The following PPP2R3A variants were observed in gnomAD, a reference collection of about 807,000 sequenced individuals.
The protein encoded by PPP2R3A is protein phosphatase 2 regulatory subunit B''alpha.
A neutral mutation model predicts 106.9 loss-of-function variants in PPP2R3A; 80 were observed. The ratio of observed to expected loss-of-function variants is 0.75; its 90% CI spans 0.62 to 0.90. The LOEUF (loss-of-function observed/expected upper bound fraction) is 0.90. Ranked by LOEUF, PPP2R3A falls within the 40% of genes least tolerant of loss-of-function variation. The pLI is 0.00. For synonymous variants in PPP2R3A, 483 were observed against 468.3 expected (o/e 1.03, Z -0.41); for missense variants, 1,386 against 1,350.4 (o/e 1.03, Z -0.41).
intron 3 of PPP2R3A, among the ~76,000 whole-genome samples, chr3:136,030,325 T>G (rs1047557345): frequency 1.3e-5 from 2 of 152,092 alleles, no homozygotes; most frequent in Non-Finnish European, 2.9e-5. Context: ...GTTTGTTTTT[T>G]TTGCCTCTTT....
intron 1 of PPP2R3A, among the ~76,000 whole-genome samples, chr3:135,984,564 A>G: frequency 6.6e-6 from 1 of 152,098 alleles, no homozygotes; most frequent in Non-Finnish European, 1.5e-5. Context: ...AGTTTCCCCC[A>G]TGCCGTTCTC....
At position 136,139,790 on chromosome 3, in the gene PPP2R3A, G is replaced by A. The variant is rs184224965; in HGVS notation, c.3330-5253G>A. Reference sequence around the variant, plus strand: ...AGGCCGAGGCAGGCGGATCACCTGAGGTTGGGAGTTCAAGACTAGCCTGGC... The same window carrying A: ...AGGCCGAGGCAGGCGGATCACCTGAAGTTGGGAGTTCAAGACTAGCCTGGC... On this transcript the variant is annotated intron_variant, in intron 13 of 13. Transcript: ENST00000264977. Among the ~76,000 whole-genome samples, 606 of 151,796 alleles carry A rather than the reference G, an allele frequency of 4.0e-3. 3 individuals are homozygous for A. The highest frequency in any genetic ancestry group is 6.5e-3 in the Non-Finnish European group (441 of 67,988).
chr3:136,083,627 G>A (rs1448509589), intron 8 of PPP2R3A, among the ~76,000 whole-genome samples: 3 of 152,220 alleles, frequency 2.0e-5, no homozygotes, highest in Non-Finnish European at 4.4e-5. Flanking sequence ...AAATGTGGAA[G>A]GGACTTTGGA....
chr3:136,124,131 G>A (rs1010230444), intron 13 of PPP2R3A, among the ~76,000 whole-genome samples: 16 of 152,080 alleles, frequency 1.1e-4, no homozygotes, highest in African/African-American at 3.4e-4. Context: ...AAGATGCATA[G>A]GTCAAAGAAA....
At chr3:136,031,094 G>A (rs1934872107) in intron 3 of PPP2R3A, among the ~76,000 whole-genome samples, 1 of 152,018 alleles carries the variant, frequency 6.6e-6, no homozygotes, top group Admixed American at 6.6e-5. Context: ...CAGCAGTGTA[G>A]AAATGTTCCC....
chr3:136,084,251 G>C (rs1043069777), intron 8 of PPP2R3A, among the ~76,000 whole-genome samples: 7 of 152,234 alleles, frequency 4.6e-5, no homozygotes, highest in African/African-American at 1.7e-4. Context: ...CATCCCAGCT[G>C]TTTCAGCTCC....
At chr3:136,103,230 T>G (rs1193796546) in intron 11 of PPP2R3A, 28 bp from the exon 12 acceptor site, 1 of 1,482,688 alleles carries the variant, frequency 6.7e-7, no homozygotes, top group Non-Finnish European at 9.3e-7. Flanking sequence ...CTTGATGAAA[T>G]TTACCAGATT....
intron 13 of PPP2R3A, among the ~76,000 whole-genome samples, chr3:136,109,561 A>AAGAT (rs1937564694): frequency 6.6e-6 from 1 of 152,208 alleles, no homozygotes; most frequent in Non-Finnish European, 1.5e-5. Context: ...GTATTCCCTT[A>AAGAT]AGATAGATAA....
chr3:136,045,652 T>A (rs1401410768), intron 4 of PPP2R3A, among the ~76,000 whole-genome samples: 4 of 152,112 alleles, frequency 2.6e-5, no homozygotes, highest in African/African-American at 9.7e-5. Flanking sequence ...CAAAAAAACC[T>A]AGGCTGTGGG....
chr3:136,132,563 TAATAA>T (rs1397945802), intron 13 of PPP2R3A, among the ~76,000 whole-genome samples: 1 of 151,688 alleles, frequency 6.6e-6, no homozygotes, highest in Non-Finnish European at 1.5e-5. Context: ...GGAATAAATA[TAATAA>T]AATAATAATA....
chr3:136,082,455 T>C, intron 8 of PPP2R3A, 34 bp downstream of exon 8: 2 of 1,590,048 alleles, frequency 1.3e-6, no homozygotes, highest in Non-Finnish European at 1.7e-6. Context: ...GACTTAACCA[T>C]TTTAAAGAGT....
At chr3:135,972,538 C>G (rs556351648) in intron 1 of PPP2R3A, among the ~76,000 whole-genome samples, 8 of 152,214 alleles carry the variant, frequency 5.3e-5, no homozygotes, top group African/African-American at 1.9e-4. Context: ...TGAGGAACTC[C>G]CAGACTGTTT....
chr3:136,064,347 G>A (rs1297193345), intron 5 of PPP2R3A, among the ~76,000 whole-genome samples: 1 of 151,774 alleles, frequency 6.6e-6, no homozygotes, highest in African/African-American at 2.4e-5. Flanking sequence ...CAGCACACCA[G>A]CATGGCACAT....
chr3:135,994,801 C>T (rs1933322793), intron 1 of PPP2R3A, among the ~76,000 whole-genome samples: 1 of 152,150 alleles, frequency 6.6e-6, no homozygotes, highest in South Asian at 2.1e-4. Context: ...TGTCTCTGTG[C>T]CTTCATAGAA....
At chr3:136,129,800 A>C (rs185070646) in intron 13 of PPP2R3A, among the ~76,000 whole-genome samples, 1 of 152,326 alleles carries the variant, frequency 6.6e-6, no homozygotes, top group Non-Finnish European at 1.5e-5. Flanking sequence ...GCAGTACATC[A>C]AAAAGCTTAT....
rs576992173 is a variant in PPP2R3A at position 136,086,542 on chromosome 3, T to A, written c.2789-1341T>A. ...CCTAATGAGACAACATAGAATAACA[T>A]GATCTTCAATTTTAGGAAGCTAAAC... On this transcript the variant is annotated intron_variant, in intron 8 of 13. Coordinates refer to ENST00000264977, the MANE Select transcript of PPP2R3A (RefSeq NM_002718.5). Among the ~76,000 whole-genome samples, 4 of 152,276 alleles carry A rather than the reference T, an allele frequency of 2.6e-5. No individual in the cohort carries two copies. In the East Asian group the frequency reaches 7.7e-4, roughly 29 times the overall value.
intron 13 of PPP2R3A, among the ~76,000 whole-genome samples, chr3:136,138,267 C>T (rs1402961955): frequency 6.6e-6 from 1 of 152,112 alleles, no homozygotes; most frequent in African/African-American, 2.4e-5. Context: ...TACTCTATGC[C>T]AGGCACTGTG....
At chr3:135,993,727 T>C (rs1338983064) in intron 1 of PPP2R3A, among the ~76,000 whole-genome samples, 1 of 152,224 alleles carries the variant, frequency 6.6e-6, no homozygotes, top group Non-Finnish European at 1.5e-5. Flanking sequence ...CAAATTCTGG[T>C]ACATTCATAC....
intron 3 of PPP2R3A, among the ~76,000 whole-genome samples, chr3:136,028,233 C>T (rs1225155869): frequency 6.6e-6 from 1 of 152,208 alleles, no homozygotes; most frequent in Non-Finnish European, 1.5e-5. Context: ...GTCCCTGAAC[C>T]CTCACTTGTC....
Sources: gnomAD v4.1 joint callset for allele counts (sites outside exome capture counted in the v4.1 genomes callset) on GRCh38, gnomAD v4.1.1 for gene constraint, MANE v1.5 for transcripts, NCBI Gene and HGNC (gene_info 2026-07-23, HGNC 2026-07-21) for gene names.